The following CDH17 variants were observed in gnomAD, a reference collection of about 807,000 sequenced individuals.
CDH17 encodes cadherin-17.
A neutral mutation model predicts 86.3 loss-of-function variants in CDH17; 67 were observed. The ratio of observed to expected loss-of-function variants is 0.78; its 90% confidence interval spans 0.64 to 0.95. The LOEUF is 0.95. Among genes scored for constraint, CDH17 ranks in the 40% least tolerant of loss-of-function variants. CDH17 has a pLI of 0.00. For missense variants in CDH17, 993 were observed against 1,017.6 expected, an observed-to-expected ratio of 0.98 and a Z score of 0.33; for synonymous variants, 367 against 366.4, an observed-to-expected ratio of 1.00 and a Z score of -0.02.
upstream of CDH17, among the ~76,000 whole-genome samples, chr8:94,212,901 T>A (rs1814144448): frequency 6.6e-6 from 1 of 152,228 alleles, no homozygotes; most frequent in Admixed American, 6.5e-5. Context: ...ATTCACATCA[T>A]CAGTTGTACA....
chr8:94,172,793 C>G (rs895022716), intron 7 of CDH17, among the ~76,000 whole-genome samples: 1 of 152,074 alleles, frequency 6.6e-6, no homozygotes, highest in Admixed American at 6.5e-5. Flanking sequence ...GGAGGGGGCC[C>G]AGGGTAAGAG....
rs1387182561 is a variant in CDH17, at chr8:94,200,532, C to CTTTTTTTTTTTT, written c.-20-5828_-20-5827insAAAAAAAAAAAA. 4.4e-4 allele frequency among the ~76,000 whole-genome samples: 22 copies of CTTTTTTTTTTTT among 50,240 alleles called. 3 individuals carry two copies. The highest frequency in any genetic ancestry group is 1.6e-3 in the African/African-American group (21 of 12,800). The allele number at this position is 50,240 out of a possible 152,430, so 33.0% of individuals were successfully genotyped here. On this transcript the variant is annotated intron_variant, in intron 1 of 17. Coordinates refer to ENST00000027335, the MANE Select transcript of CDH17 (RefSeq NM_004063.4). ...TAGATCAGAGGGTTATTATTATTAT[C>CTTTTTTTTTTTT]TTTTGTTTTTTTTTTTTTTTTTTTT... is the stretch of plus-strand genomic sequence containing the variant.
chr8:94,169,216 C>T lies in CDH17; in HGVS notation c.1066+1181G>A, dbSNP rs534773216. Among the ~76,000 whole-genome samples the T allele has an allele frequency of 4.1e-4, 63 of 152,234 alleles. No homozygotes were observed. In the South Asian group the frequency reaches 0.01, roughly 25 times the overall value. The stretch of plus-strand genomic sequence containing the variant: ...GATTTCCCAAGAAGGTGATGGCACA[C>T]GTGTTTGTTGGCTACTGTTACACTA... On this transcript the variant is annotated intron_variant, in intron 9 of 17. Coordinates refer to ENST00000027335, the MANE Select transcript of CDH17 (RefSeq NM_004063.4).
intron 12 of CDH17, among the ~76,000 whole-genome samples, chr8:94,155,624 T>A (rs887311160): frequency 5.3e-5 from 8 of 152,146 alleles, no homozygotes; most frequent in Non-Finnish European, 1.0e-4. Context: ...GCAGCCTGTA[T>A]TACCAGAAGA....
At chr8:94,203,130 G>A (rs138988936) in intron 1 of CDH17, 23 of 156,900 alleles carry the variant, frequency 1.5e-4, no homozygotes, top group East Asian at 1.3e-3. Flanking sequence ...GAGTTTCTAC[G>A]TCCCAGATCT....
intron 15 of CDH17, among the ~76,000 whole-genome samples, chr8:94,136,198 C>T (rs982705116): frequency 6.6e-6 from 1 of 152,146 alleles, no homozygotes; most frequent in Non-Finnish European, 1.5e-5. Context: ...TGAATGTTGG[C>T]CTGCCTTGCT....
chr8:94,150,650 C>T (rs144281936), intron 13 of CDH17, among the ~76,000 whole-genome samples: 264 of 152,326 alleles, frequency 1.7e-3, no homozygotes, highest in Non-Finnish European at 3.1e-3. Flanking sequence ...ACCTCCTCTT[C>T]CTGACCTCAA....
chr8:94,161,827 T>C (rs755703803), intron 11 of CDH17, among the ~76,000 whole-genome samples: 8 of 152,232 alleles, frequency 5.3e-5, no homozygotes, highest in Non-Finnish European at 8.8e-5. Context: ...ATTGTGGTTG[T>C]TGTTTTTAAG....
Position 94,179,015 on chromosome 8 carries a change from C to A in CDH17, c.151-1294G>T, listed in dbSNP as rs906455432. 4.7e-5 allele frequency among the ~76,000 whole-genome samples: 7 copies of A among 147,804 alleles called. No homozygotes were observed. The South Asian group carries it at 1.5e-3, about 32-fold the overall frequency. The stretch of plus-strand genomic sequence containing the variant: ...CTTTTTAAGAATATGGGAAATTAAC[C>A]AGATGCTTGCAAAATCCAAGGAATG... On this transcript the variant is annotated intron_variant, in intron 3 of 17. Transcript: ENST00000027335.
rs1278781012 is a variant in CDH17 at position 94,148,725 on chromosome 8, T to C, written c.1927+19A>G. ...AATCTGTGTTCCTTTTTTTTTGTTTTTTTTTTTTTTTTGCTTACCTACTTC... is the reference window on the plus strand; with the variant it reads ...AATCTGTGTTCCTTTTTTTTTGTTTCTTTTTTTTTTTTGCTTACCTACTTC... On this transcript the variant is annotated intron_variant, in intron 14 of 17. Transcript: ENST00000027335. The C allele has an allele frequency of 7.2e-7, 1 of 1,386,968 alleles. No individual in the cohort carries two copies. The highest frequency in any genetic ancestry group is 9.4e-7 in the Non-Finnish European group (1 of 1,067,614). 85.9% of individuals were successfully genotyped at this position (1,386,968 alleles called of 1,614,324 possible). A position where few individuals can be genotyped will look rare whatever the true frequency, so the allele number is the denominator to read the frequency against.
chr8:94,202,898 C>G (rs1304306899), intron 1 of CDH17: 1 of 275,498 alleles, frequency 3.6e-6, no homozygotes, highest in Non-Finnish European at 7.0e-6. Flanking sequence ...TCAGGAATAT[C>G]TGCCAATTCC....
At chr8:94,215,449 G>A (rs773832920) in intron 1 of CDH17, among the ~76,000 whole-genome samples, 1 of 152,152 alleles carries the variant, frequency 6.6e-6, no homozygotes, top group Non-Finnish European at 1.5e-5. Context: ...CAAGTCCATA[G>A]ACAGAGAAAG....
chr8:94,188,600 T>C (rs1813626152), intron 3 of CDH17, among the ~76,000 whole-genome samples: 1 of 152,214 alleles, frequency 6.6e-6, no homozygotes, highest in Admixed American at 6.5e-5. Context: ...TTCTGTGTCT[T>C]TAATAGCACT....
upstream of CDH17, among the ~76,000 whole-genome samples, chr8:94,211,273 C>CCTA (rs1814117456): frequency 6.6e-6 from 1 of 151,978 alleles, no homozygotes; most frequent in Non-Finnish European, 1.5e-5. Context: ...TCCTAAAAGT[C>CCTA]AAAGCATGTT....
At chr8:94,211,035 A>AG (rs954592722), upstream of CDH17, among the ~76,000 whole-genome samples, 11 of 151,774 alleles carry the variant, frequency 7.2e-5, no homozygotes, top group African/African-American at 2.2e-4. Flanking sequence ...AAAAAAAAAA[A>AG]AAAGAAAACA....
intron 15 of CDH17, among the ~76,000 whole-genome samples, chr8:94,143,474 C>A (rs189951498): frequency 6.6e-6 from 1 of 152,168 alleles, no homozygotes; most frequent in African/African-American, 2.4e-5. Context: ...CTTAAAGTCA[C>A]CAGCTGCATT....
At chr8:94,166,071 C>A (rs764036171) in intron 9 of CDH17, 95 bp from the exon 10 acceptor site, 65 of 740,930 alleles carry the variant, frequency 8.8e-5, no homozygotes, top group Non-Finnish European at 1.5e-4. Context: ...TAGAAAACAC[C>A]ATGAATAACT....
intron 3 of CDH17, among the ~76,000 whole-genome samples, chr8:94,179,105 C>A (rs1813428394): frequency 6.6e-6 from 1 of 151,428 alleles, no homozygotes; most frequent in African/African-American, 2.4e-5. Flanking sequence ...TCCCATGGTC[C>A]TTTCCTAAGA....
chr8:94,132,318 T>A (rs1812436694), intron 15 of CDH17, among the ~76,000 whole-genome samples: 1 of 152,232 alleles, frequency 6.6e-6, no homozygotes, highest in Non-Finnish European at 1.5e-5. Context: ...TTCCTATTTC[T>A]CCACATCCTC....
Sources: gnomAD v4.1 joint callset for allele counts (sites outside exome capture counted in the v4.1 genomes callset) on GRCh38, gnomAD v4.1.1 for gene constraint, MANE v1.5 for transcripts, NCBI Gene and HGNC (gene_info 2026-07-23, HGNC 2026-07-21) for gene names.